The following TFRC variants were observed in gnomAD, a reference collection of about 807,000 sequenced individuals.
The protein encoded by TFRC is transferrin receptor.
TFRC carries 35 observed loss-of-function variants against 85.8 expected under a neutral mutation model. The observed-to-expected ratio is 0.41, with a 90% CI of 0.31 to 0.54. The LOEUF is 0.54. TFRC is among the 20% of genes least tolerant of loss of function. The pLI is 0.31. For missense variants in TFRC, 828 were observed against 921.5 expected (o/e 0.90, Z 1.31); for synonymous variants, 362 against 328.6 (o/e 1.10, Z -1.10).
rs1167742024 is a variant in TFRC, at chr3:196,053,561, G to C, written c.1900-3C>G. Reference sequence around the variant, plus strand: ...CACTGTAAACTCAGGCCCATTTCCTGAAACAGACATTATTCGCTATGAGAA... The same window carrying C: ...CACTGTAAACTCAGGCCCATTTCCTCAAACAGACATTATTCGCTATGAGAA... On this transcript the variant is annotated splice_polypyrimidine_tract_variant and splice_region_variant and intron_variant, in intron 17 of 18. Coordinates refer to ENST00000360110, the MANE Select transcript of TFRC (RefSeq NM_001128148.3). 6.2e-7 allele frequency: 1 copy of C among 1,613,882 alleles called. No individual in the cohort carries two copies. Among genetic ancestry groups the C allele is most frequent in the Admixed American group, 1.7e-5 (1 of 59,956 alleles).
chr3:196,067,974 G>T, intron 8 of TFRC, 58 bp downstream of exon 8: 1 of 1,407,916 alleles, frequency 7.1e-7, no homozygotes, highest in South Asian at 1.2e-5. Flanking sequence ...TGCTAATACA[G>T]GAATCCAAGA....
At chr3:196,064,269 A>G (rs1345045085) in intron 11 of TFRC, 40 bp downstream of exon 11, 3 of 1,587,196 alleles carry the variant, frequency 1.9e-6, no homozygotes, top group African/African-American at 2.7e-5. Flanking sequence ...AACTGTATGC[A>G]GTGCACCAAT....
chr3:196,051,775 T>C lies in TFRC; in HGVS notation c.*167A>G, dbSNP rs1340946209. 4.3e-6 allele frequency: 3 copies of C among 698,816 alleles called. No homozygotes were observed. The highest frequency in any genetic ancestry group is 3.6e-5 in the African/African-American group (2 of 55,780). 43.3% of individuals were successfully genotyped at this position (698,816 alleles called of 1,614,324 possible). A position where few individuals can be genotyped will look rare whatever the true frequency, so the allele number is the denominator to read the frequency against. ...TCACTTTAACTTGAAGTACAGGTTA[T>C]CTACCCTGTATTAAAAGCTGCTGCC... On this transcript the variant is annotated 3_prime_UTR_variant, in exon 19 of 19. Coordinates refer to ENST00000360110, the MANE Select transcript of TFRC (RefSeq NM_001128148.3).
chr3:196,071,348 G>C (rs772729488), intron 6 of TFRC, 48 bp downstream of exon 6: 1 of 1,486,134 alleles, frequency 6.7e-7, no homozygotes, highest in East Asian at 2.3e-5. Context: ...GATGAGTTTT[G>C]AATGATTCAA....
chr3:196,071,308 G>T, intron 6 of TFRC, 88 bp downstream of exon 6: 1 of 1,269,208 alleles, frequency 7.9e-7, no homozygotes, highest in Non-Finnish European at 1.1e-6. Context: ...ACATTTTACA[G>T]GTAAATTTAT....
chr3:196,074,184 A>T (rs1435042625), intron 3 of TFRC, 59 bp from the exon 4 acceptor site: 9 of 1,469,482 alleles, frequency 6.1e-6, no homozygotes, highest in Non-Finnish European at 8.3e-6. Context: ...TATCCCTGTT[A>T]ATCTGTTAAT....
rs996355590 is a variant in TFRC, at chr3:196,051,648, T to C, written c.*294A>G. The C allele has an allele frequency of 5.4e-6, 2 of 368,094 alleles. No homozygotes were observed. Among genetic ancestry groups the C allele is most frequent in the Admixed American group, 8.7e-5 (2 of 22,914 alleles). The allele number at this position is 368,094 out of a possible 1,614,324, so 22.8% of individuals were successfully genotyped here. On this transcript the variant is annotated 3_prime_UTR_variant, in exon 19 of 19. Coordinates refer to ENST00000360110, the MANE Select transcript of TFRC (RefSeq NM_001128148.3). Reference sequence around the variant, plus strand: ...TCATTCACATAACTGGTTTCTGACATTTTCATTAACAACAACAGGAAAGAG... The same window carrying C: ...TCATTCACATAACTGGTTTCTGACACTTTCATTAACAACAACAGGAAAGAG...
rs749379071 is a variant in TFRC at position 196,067,652 on chromosome 3, A to AT, written c.905dup (p.His302GlnfsTer6). Reference sequence around the variant, plus strand: ...GTGTGTAAGGGTCACCTGTCCCCAGATGAGCCTAGGAAAACAAAAGAGCAA... The same window carrying AT: ...GTGTGTAAGGGTCACCTGTCCCCAGATTGAGCCTAGGAAAACAAAAGAGCAA... On this transcript the variant is annotated frameshift_variant, in exon 9 of 19. Coordinates refer to ENST00000360110, the MANE Select transcript of TFRC (RefSeq NM_001128148.3). LOFTEE classifies it high-confidence loss of function. 1 of 1,613,184 alleles carries AT rather than the reference A, an allele frequency of 6.2e-7. No individual in the cohort carries two copies. The highest frequency in any genetic ancestry group is 1.7e-5 in the Admixed American group (1 of 59,744).
intron 9 of TFRC, 122 bp from the exon 10 acceptor site, chr3:196,065,722 T>A: frequency 9.1e-7 from 1 of 1,098,022 alleles, no homozygotes; most frequent in Non-Finnish European, 1.2e-6. Context: ...CCCGGCGAAG[T>A]GGCTCACCCC....
intron 7 of TFRC, among the ~76,000 whole-genome samples, chr3:196,068,672 A>G (rs1717938295): frequency 6.7e-6 from 1 of 149,470 alleles, no homozygotes; most frequent in Admixed American, 6.7e-5. Flanking sequence ...TCACACCTGT[A>G]ATCCCAGCAA....
chr3:196,060,440 T>C, intron 13 of TFRC, 193 bp from the exon 14 acceptor site: 1 of 571,118 alleles, frequency 1.8e-6, no homozygotes, highest in East Asian at 3.0e-5. Context: ...CTAACTTCAC[T>C]CAAGTGGGCT....
intron 11 of TFRC, 117 bp from the exon 12 acceptor site, chr3:196,063,056 C>CT: frequency 2.3e-5 from 15 of 662,768 alleles, no homozygotes; most frequent in South Asian, 2.9e-5. Context: ...ATTCCAAAAT[C>CT]TTTTTTTTCT....
In TFRC at chr3:196,075,196, G is replaced by A. The variant is rs1718577110; in HGVS notation, c.201C>T (p.Cys67=). Residue 67 remains cysteine, a synonymous_variant, in exon 3 of 19, where the codon TGC becomes TGT. Coordinates refer to ENST00000360110, the MANE Select transcript of TFRC (RefSeq NM_001128148.3). ...AGACGATCACAGCAATAGTCCCATA[G>A]CAGATACTTCCACTACACCTTTTTG... is the stretch of plus-strand genomic sequence containing the variant. The part of the protein sequence containing the change: ...TKPKRCSGSI[C]YGTIAVIVFF... 1.2e-6 allele frequency: 2 copies of A among 1,614,134 alleles called. No individual in the cohort carries two copies. Among genetic ancestry groups the A allele is most frequent in the East Asian group, 2.2e-5 (1 of 44,888 alleles).
intron 9 of TFRC, among the ~76,000 whole-genome samples, chr3:196,066,266 C>T (rs2108647640): frequency 6.6e-6 from 1 of 152,244 alleles, no homozygotes; most frequent in Middle Eastern, 3.4e-3. Context: ...TCACCACTAA[C>T]AAGGATAGTA....
Position 196,065,703 on chromosome 3 carries a change from T to C in TFRC, c.1041-103A>G, listed in dbSNP as rs1188586127. 3.8e-6 allele frequency: 5 copies of C among 1,325,148 alleles called. No homozygotes were observed. The African/African-American group carries it at 6.1e-5, about 16-fold the overall frequency. 82.1% of individuals were successfully genotyped at this position (1,325,148 alleles called of 1,614,324 possible). A position where few individuals can be genotyped will look rare whatever the true frequency, so the allele number is the denominator to read the frequency against. On this transcript the variant is annotated intron_variant, in intron 9 of 18. Coordinates refer to ENST00000360110, the MANE Select transcript of TFRC (RefSeq NM_001128148.3). ...ATTAAGAGGACATATAAACAAAACTTACTCTCAGCCCGGCGAAGTGGCTCA... is the reference window on the plus strand; with the variant it reads ...ATTAAGAGGACATATAAACAAAACTCACTCTCAGCCCGGCGAAGTGGCTCA...
rs72547277 is a variant in TFRC, at chr3:196,050,092, T to C, written c.*1850A>G. 3.7e-4 allele frequency: 86 copies of C among 231,510 alleles called. No individual in the cohort carries two copies. Among genetic ancestry groups the C allele is most frequent in the African/African-American group, 1.8e-3 (81 of 45,376 alleles). The allele number at this position is 231,510 out of a possible 1,614,324, so 14.3% of individuals were successfully genotyped here. A position where few individuals can be genotyped will look rare whatever the true frequency, so the allele number is the denominator to read the frequency against. Reference sequence around the variant, plus strand: ...CCTTCCCCACAGCCCCCAAACCTTCTATACAAAGTCCCTCTGCTTTAAGTC... The same window carrying C: ...CCTTCCCCACAGCCCCCAAACCTTCCATACAAAGTCCCTCTGCTTTAAGTC... On this transcript the variant is annotated 3_prime_UTR_variant, in exon 19 of 19. Coordinates refer to ENST00000360110, the MANE Select transcript of TFRC (RefSeq NM_001128148.3).
In TFRC at chr3:196,064,394, T is replaced by C. The variant is rs1007632497; in HGVS notation, c.1233A>G (p.Ala411=). ...HYVVVGAQRD[A]WGPGAAKSGV... ...CGGATTTTGCAGCTCCAGGGCCCCATGCATCTCTCTGGGCCCCAACTACAA... is the reference window on the plus strand; with the variant it reads ...CGGATTTTGCAGCTCCAGGGCCCCACGCATCTCTCTGGGCCCCAACTACAA... The change falls in exon 11 of 19, where the codon GCA becomes GCG. Residue 411 remains alanine (A), a synonymous_variant. Transcript: ENST00000360110. 5.6e-6 allele frequency: 9 copies of C among 1,613,092 alleles called. No homozygotes were observed. The highest frequency in any genetic ancestry group is 1.7e-5 in the Admixed American group (1 of 59,706).
chr3:196,055,249 A>G lies in TFRC; in HGVS notation c.1730T>C (p.Ile577Thr). 4 of 1,614,208 alleles carry G rather than the reference A, an allele frequency of 2.5e-6. No homozygotes were observed. The highest frequency in any genetic ancestry group is 3.4e-6 in the Non-Finnish European group (4 of 1,180,034). ...GTTMDTYKEL[I>T]ERIPELNKVA... ...TTTGTTCAACTCAGGAATCCTCTCA[A>G]TCAGTTCCTTATAGGTGTCCATGGT... The change falls in exon 17 of 19, where the codon ATT becomes ACT. Residue 577 changes from isoleucine (I) to threonine (T), a missense_variant. By Grantham distance (89) the Ile-to-Thr change is moderately conservative. Coordinates refer to ENST00000360110, the MANE Select transcript of TFRC (RefSeq NM_001128148.3).
rs41301359 is a variant in TFRC at position 196,074,052 on chromosome 3, G to A, written c.312C>T (p.Thr104=). The A allele has an allele frequency of 7.5e-3, 12,177 of 1,614,038 alleles. 43 individuals carry two copies. The highest frequency in any genetic ancestry group is 0.016 in the Middle Eastern group (94 of 6,062). ...CTGGCTCCTCCCTCACTGGAGACTC[G>A]GTTCCTGCCAGTCTCTCACACTCAG... is the stretch of plus-strand genomic sequence containing the variant. The part of the protein sequence containing the change: ...PKTECERLAG[T]ESPVREEPGE... Residue 104 remains threonine, a synonymous_variant, in exon 4 of 19, where the codon ACC becomes ACT. Transcript: ENST00000360110.
Sources: allele counts gnomAD v4.1 joint callset (sites outside exome capture counted in the v4.1 genomes callset), GRCh38; gene constraint gnomAD v4.1.1; transcripts MANE v1.5; gene names NCBI Gene and HGNC (gene_info 2026-07-23, HGNC 2026-07-21).